The following PRKG1 variants were observed in gnomAD, a reference collection of about 807,000 sequenced individuals.
PRKG1 encodes protein kinase cGMP-dependent 1, also known as cGMP-dependent protein kinase 1.
A neutral mutation model predicts 88.1 loss-of-function variants in PRKG1; 35 were observed. The observed-to-expected ratio is 0.40, with a 90% CI of 0.30 to 0.53. The LOEUF (loss-of-function observed/expected upper bound fraction) is 0.53. Ranked by LOEUF, PRKG1 falls within the 20% of genes least tolerant of loss-of-function variation. The probability of loss-of-function intolerance (pLI) is 0.59; values close to 1 mark genes in which losing one functional copy is unlikely to be tolerated. For missense variants in PRKG1, 540 were observed against 839.8 expected (o/e 0.64, Z 4.41); for synonymous variants, 303 against 292.5 (o/e 1.04, Z -0.37).
At chr10:51,475,146 T>G (rs1840155892) in intron 3 of PRKG1, among the ~76,000 whole-genome samples, 1 of 151,996 alleles carries the variant, frequency 6.6e-6, no homozygotes, top group Non-Finnish European at 1.5e-5. Context: ...GCACCTCTCC[T>G]TTACTCCTTC....
At chr10:51,052,262 A>T (rs369158175) in intron 1 of PRKG1, among the ~76,000 whole-genome samples, 10 of 152,194 alleles carry the variant, frequency 6.6e-5, no homozygotes, top group Admixed American at 2.0e-4. Flanking sequence ...ATCAAATATA[A>T]AATATGGCCA....
intron 3 of PRKG1, among the ~76,000 whole-genome samples, chr10:51,510,888 C>T (rs868280572): frequency 5.3e-5 from 8 of 150,944 alleles, no homozygotes; most frequent in African/African-American, 1.7e-4. Context: ...GGACTACAGG[C>T]GCCCACCACC....
intron 5 of PRKG1, among the ~76,000 whole-genome samples, chr10:51,936,734 T>G (rs1199577776): frequency 6.6e-6 from 1 of 152,078 alleles, no homozygotes; most frequent in East Asian, 1.9e-4. Context: ...TTTTAAAAAT[T>G]TTTTTGCTTG....
chr10:51,343,790 T>C (rs954162395), intron 2 of PRKG1, among the ~76,000 whole-genome samples: 2 of 152,178 alleles, frequency 1.3e-5, no homozygotes, highest in African/African-American at 4.8e-5. Flanking sequence ...TTTCCCCAGA[T>C]CACTCAGCCA....
At chr10:51,254,819 G>A (rs950693214) in intron 2 of PRKG1, among the ~76,000 whole-genome samples, 4 of 151,986 alleles carry the variant, frequency 2.6e-5, no homozygotes, top group African/African-American at 9.7e-5. Context: ...TGTTACCTGA[G>A]GGACAGGTAG....
At chr10:51,731,933 A>G (rs1842279360) in intron 3 of PRKG1, among the ~76,000 whole-genome samples, 1 of 151,948 alleles carries the variant, frequency 6.6e-6, no homozygotes, top group African/African-American at 2.4e-5. Context: ...GTGTCCTTAC[A>G]TGGTCTTTCC....
intron 3 of PRKG1, among the ~76,000 whole-genome samples, chr10:51,782,067 TGAA>T (rs1298646341): frequency 1.3e-5 from 2 of 152,136 alleles, no homozygotes; most frequent in South Asian, 4.1e-4. Context: ...AATAGAGAGA[TGAA>T]GAATTCTATT....
intron 3 of PRKG1, among the ~76,000 whole-genome samples, chr10:51,684,876 AT>A (rs1474396390): frequency 2.6e-5 from 4 of 152,154 alleles, no homozygotes; most frequent in Admixed American, 1.3e-4. Flanking sequence ...CGATTAAAAA[AT>A]ATATATTTAG....
chr10:52,145,218 G>C (rs1837698326), intron 8 of PRKG1, among the ~76,000 whole-genome samples: 1 of 152,086 alleles, frequency 6.6e-6, no homozygotes, highest in Admixed American at 6.6e-5. Flanking sequence ...TACAGTTATT[G>C]TTTTGTTTTG....
At chr10:51,544,986 T>G (rs948038120) in intron 3 of PRKG1, among the ~76,000 whole-genome samples, 2 of 142,648 alleles carry the variant, frequency 1.4e-5, no homozygotes, top group African/African-American at 2.7e-5. Flanking sequence ...CACAATGAGG[T>G]TTTTTTTTTT....
chr10:51,341,954 G>A (rs984008093), intron 2 of PRKG1, among the ~76,000 whole-genome samples: 1 of 152,068 alleles, frequency 6.6e-6, no homozygotes. Flanking sequence ...AGGACAGTAT[G>A]GGGAAACCTC....
At chr10:52,263,301 T>C (rs1331627997) in intron 10 of PRKG1, among the ~76,000 whole-genome samples, 2 of 152,096 alleles carry the variant, frequency 1.3e-5, no homozygotes, top group African/African-American at 4.8e-5. Context: ...CATTAAATTC[T>C]TTAAAATGTA....
At chr10:51,535,492 G>T (rs1273409071) in intron 3 of PRKG1, among the ~76,000 whole-genome samples, 1 of 152,142 alleles carries the variant, frequency 6.6e-6, no homozygotes, top group Non-Finnish European at 1.5e-5. Context: ...TGTGTCTTAT[G>T]ATCTGATTCA....
intron 4 of PRKG1, among the ~76,000 whole-genome samples, chr10:51,820,378 G>A (rs58429551): frequency 0.13 from 19,638 of 152,032 alleles, 1,634 homozygotes; most frequent in African/African-American, 0.24. Flanking sequence ...GAGACCAGGG[G>A]ATAGGGTAGG....
chr10:51,303,039 A>G (rs7087236), intron 2 of PRKG1, among the ~76,000 whole-genome samples: 5,098 of 152,188 alleles, frequency 0.033, 283 homozygotes, highest in African/African-American at 0.11. Context: ...GCCCCAGGGA[A>G]TGGATGCTGT....
At chr10:51,608,148 G>A (rs541818920) in intron 3 of PRKG1, among the ~76,000 whole-genome samples, 10 of 152,248 alleles carry the variant, frequency 6.6e-5, no homozygotes, top group African/African-American at 1.4e-4. Flanking sequence ...CATGTGCTGC[G>A]TAACAAAGTT....
At chr10:51,757,686 T>C (rs1016548585) in intron 3 of PRKG1, among the ~76,000 whole-genome samples, 2 of 152,190 alleles carry the variant, frequency 1.3e-5, no homozygotes, top group Admixed American at 6.5e-5. Context: ...ATACTGGATT[T>C]CAAAAATTTA....
intron 9 of PRKG1, among the ~76,000 whole-genome samples, chr10:52,213,266 G>A (rs1464187053): frequency 1.3e-5 from 2 of 152,100 alleles, no homozygotes; most frequent in South Asian, 4.1e-4. Flanking sequence ...AAACTGAGTT[G>A]GCAACAAATG....
At chr10:51,694,600 T>A (rs1312575934) in intron 3 of PRKG1, among the ~76,000 whole-genome samples, 1 of 152,164 alleles carries the variant, frequency 6.6e-6, no homozygotes, top group Non-Finnish European at 1.5e-5. Context: ...CATTTCATAA[T>A]CCCAAAAAAC....
Sources: allele counts gnomAD v4.1 joint callset (sites outside exome capture counted in the v4.1 genomes callset), GRCh38; gene constraint gnomAD v4.1.1; transcripts MANE v1.5; gene names NCBI Gene and HGNC (gene_info 2026-07-23, HGNC 2026-07-21).